Variants in CNTN5 observed in about 807,000 individuals in gnomAD.
CNTN5 encodes contactin-5.
A neutral mutation model predicts 129.1 loss-of-function variants in CNTN5; 77 were observed. That is an observed-to-expected ratio of 0.60 (90% confidence interval 0.50 to 0.72). The LOEUF is 0.72. CNTN5 is among the 30% of genes least tolerant of loss of function. CNTN5 has a pLI of 0.00. For missense variants in CNTN5, 1,478 were observed against 1,328.8 expected (o/e 1.11, Z -1.75); for synonymous variants, 509 against 465.6 (o/e 1.09, Z -1.20).
chr11:100,086,616 A>G (rs542548411), intron 13 of CNTN5, among the ~76,000 whole-genome samples: 1 of 151,484 alleles, frequency 6.6e-6, no homozygotes, highest in African/African-American at 2.4e-5. Flanking sequence ...GAAAAACCAA[A>G]TATATCAGAA....
chr11:99,345,535 A>C (rs186045305), intron 2 of CNTN5, among the ~76,000 whole-genome samples: 71 of 152,282 alleles, frequency 4.7e-4, no homozygotes, highest in African/African-American at 1.6e-3. Context: ...AGGCGTTATC[A>C]CTCAAATTTT....
intron 9 of CNTN5, among the ~76,000 whole-genome samples, chr11:100,048,814 A>G (rs2137724985): frequency 6.6e-6 from 1 of 152,248 alleles, no homozygotes; most frequent in Middle Eastern, 3.5e-3. Flanking sequence ...ATTGTTGTAA[A>G]ACTTAACCCT....
chr11:99,560,633 G>C (rs939650689), intron 3 of CNTN5, among the ~76,000 whole-genome samples: 1 of 152,100 alleles, frequency 6.6e-6, no homozygotes, highest in Non-Finnish European at 1.5e-5. Flanking sequence ...GGAGTTAGGG[G>C]ATAAACAGAC....
rs1057296121 is a variant in CNTN5 at position 99,624,042 on chromosome 11, A to C, written c.55+67773A>C. 8.9e-4 allele frequency among the ~76,000 whole-genome samples: 135 copies of C among 152,140 alleles called. 2 individuals carry two copies. The highest frequency in any genetic ancestry group is 6.9e-4 in the Non-Finnish European group (47 of 67,998). On this transcript the variant is annotated intron_variant, in intron 3 of 24. Coordinates refer to ENST00000524871, the MANE Select transcript of CNTN5 (RefSeq NM_014361.4). ...TCTCAATATACTAAGAACTAAAGAA[A>C]AGTTAACAGGGAAATTTGATGGTAA...
chr11:99,343,232 T>C (rs773666740), intron 2 of CNTN5, among the ~76,000 whole-genome samples: 13 of 152,150 alleles, frequency 8.5e-5, no homozygotes, highest in Non-Finnish European at 1.8e-4. Context: ...GCAGTAGATT[T>C]AGACAGACAC....
At chr11:100,304,571 A>G (rs1951303952) in intron 20 of CNTN5, among the ~76,000 whole-genome samples, 2 of 151,720 alleles carry the variant, frequency 1.3e-5, no homozygotes, top group African/African-American at 4.8e-5. Context: ...GGTTTCTGGC[A>G]AGATCTAGAA....
chr11:99,648,390 T>A (rs1043866547), intron 3 of CNTN5, among the ~76,000 whole-genome samples: 2 of 151,574 alleles, frequency 1.3e-5, no homozygotes, highest in African/African-American at 4.8e-5. Flanking sequence ...CAAGTTACAA[T>A]GACTATTATC....
chr11:99,366,968 C>T (rs1327544303), intron 2 of CNTN5, among the ~76,000 whole-genome samples: 1 of 152,008 alleles, frequency 6.6e-6, no homozygotes, highest in East Asian at 1.9e-4. Flanking sequence ...ACAGATAGGG[C>T]TCATCGTAAG....
rs140560153 is a variant in CNTN5 at position 100,295,452 on chromosome 11, T to C, written c.2315-2173T>C. On this transcript the variant is annotated intron_variant, in intron 18 of 24. Coordinates refer to ENST00000524871, the MANE Select transcript of CNTN5 (RefSeq NM_014361.4). ...AAAATGTTCACTTGTTTTTTTTTAA[T>C]TTTTTACTCACAAAGTTAAAACTTT... is the stretch of plus-strand genomic sequence containing the variant. Among the ~76,000 whole-genome samples, 126 of 151,590 alleles carry C rather than the reference T, an allele frequency of 8.3e-4. No homozygotes were observed. In the East Asian group the frequency reaches 0.022, roughly 26 times the overall value.
At chr11:100,313,003 G>A (rs1450965444) in intron 21 of CNTN5, among the ~76,000 whole-genome samples, 1 of 152,038 alleles carries the variant, frequency 6.6e-6, no homozygotes, top group Non-Finnish European at 1.5e-5. Context: ...CCTGGTTCCT[G>A]TGAGAACAGA....
At chr11:99,926,108 G>A (rs1950056302) in intron 7 of CNTN5, among the ~76,000 whole-genome samples, 2 of 152,118 alleles carry the variant, frequency 1.3e-5, no homozygotes, top group African/African-American at 4.8e-5. Context: ...AATGGTTGGA[G>A]GACAGTGAGC....
chr11:99,156,416 G>C (rs1860337423), intron 1 of CNTN5, among the ~76,000 whole-genome samples: 1 of 151,994 alleles, frequency 6.6e-6, no homozygotes, highest in African/African-American at 2.4e-5. Flanking sequence ...TCATTTTAAA[G>C]AAGGTGCACA....
intron 1 of CNTN5, among the ~76,000 whole-genome samples, chr11:99,144,820 T>A (rs1940498): frequency 0.91 from 138,188 of 151,866 alleles, 63,142 homozygotes; most frequent in East Asian, 0.99. Context: ...GTTTAAAATT[T>A]CTTTTTATCG....
chr11:99,961,642 A>G (rs1283347176), intron 8 of CNTN5, among the ~76,000 whole-genome samples: 1 of 152,336 alleles, frequency 6.6e-6, no homozygotes, highest in East Asian at 1.9e-4. Flanking sequence ...AACTATTTCA[A>G]TAAAATGTTG....
At chr11:100,150,120 T>C (rs1308748308) in intron 13 of CNTN5, among the ~76,000 whole-genome samples, 1 of 152,108 alleles carries the variant, frequency 6.6e-6, no homozygotes, top group Non-Finnish European at 1.5e-5. Flanking sequence ...CCAACAGAAT[T>C]GAGGATGTCT....
chr11:99,147,126 C>A (rs1373065656), intron 1 of CNTN5, among the ~76,000 whole-genome samples: 1 of 152,164 alleles, frequency 6.6e-6, no homozygotes, highest in African/African-American at 2.4e-5. Flanking sequence ...TGCTTTCCAA[C>A]CCTAAGACTT....
At chr11:99,776,574 C>T (rs1006386365) in intron 3 of CNTN5, among the ~76,000 whole-genome samples, 52 of 151,008 alleles carry the variant, frequency 3.4e-4, no homozygotes, top group African/African-American at 1.3e-3. Context: ...GTGTTCTTTC[C>T]ATAACTTTCT....
intron 1 of CNTN5, among the ~76,000 whole-genome samples, chr11:99,235,366 C>A (rs1434401656): frequency 6.6e-6 from 1 of 151,936 alleles, no homozygotes; most frequent in Non-Finnish European, 1.5e-5. Context: ...TACTTTGGGA[C>A]CTATTCATGA....
chr11:99,805,251 A>G (rs1163550487), intron 3 of CNTN5, among the ~76,000 whole-genome samples: 4 of 152,124 alleles, frequency 2.6e-5, no homozygotes, highest in African/African-American at 9.7e-5. Flanking sequence ...GAGCAGTGCT[A>G]ATGGGTATAG....
Sources: allele counts gnomAD v4.1 joint callset (sites outside exome capture counted in the v4.1 genomes callset), GRCh38; gene constraint gnomAD v4.1.1; transcripts MANE v1.5; gene names NCBI Gene and HGNC (gene_info 2026-07-23, HGNC 2026-07-21).